Variants in CFAP20DC observed in about 807,000 individuals in gnomAD.
The protein encoded by CFAP20DC is CFAP20 domain containing.
CFAP20DC carries 84 observed loss-of-function variants against 101.7 expected under a neutral mutation model. That is an observed-to-expected ratio of 0.83 (90% confidence interval 0.69 to 0.99). The LOEUF is 0.99. Among genes scored for constraint, CFAP20DC ranks in the 50% least tolerant of loss-of-function variants. CFAP20DC has a pLI of 0.00. For missense variants in CFAP20DC, 1,007 were observed against 970.3 expected (o/e 1.04, Z -0.50); for synonymous variants, 359 against 351.2 (o/e 1.02, Z -0.25).
At chr3:58,848,258 A>T (rs958923798) in intron 13 of CFAP20DC, among the ~76,000 whole-genome samples, 8 of 152,188 alleles carry the variant, frequency 5.3e-5, no homozygotes, top group African/African-American at 1.9e-4. Flanking sequence ...ATAATCATGA[A>T]TATATCTACT....
At chr3:58,753,711 C>G in intron 16 of CFAP20DC, 58 bp downstream of exon 16, 1 of 1,115,066 alleles carries the variant, frequency 9.0e-7, no homozygotes, top group Non-Finnish European at 1.3e-6. Flanking sequence ...GATGGATTCT[C>G]TCTATTTATA....
chr3:58,865,996 C>T (rs2108491891), intron 11 of CFAP20DC, among the ~76,000 whole-genome samples: 1 of 152,178 alleles, frequency 6.6e-6, no homozygotes, highest in East Asian at 1.9e-4. Context: ...TTGCAGCAAA[C>T]AAGATAAATG....
intron 4 of CFAP20DC, chr3:58,953,682 A>G (rs909871601): frequency 5.3e-5 from 8 of 152,218 alleles, no homozygotes; most frequent in African/African-American, 1.7e-4. Context: ...ATATAAATGC[A>G]TATGTGTGAC....
At chr3:58,966,474 G>GTA (rs60270814) in intron 4 of CFAP20DC, among the ~76,000 whole-genome samples, 11,808 of 114,620 alleles carry the variant, frequency 0.1, 1,306 homozygotes, top group African/African-American at 0.27. Context: ...ATACATATGT[G>GTA]TATATATATA....
chr3:58,822,297 A>T lies in CFAP20DC; in HGVS notation c.2175+9389T>A, dbSNP rs1045995971. On this transcript the variant is annotated intron_variant, in intron 14 of 16. Coordinates refer to ENST00000482387, the MANE Select transcript of CFAP20DC (RefSeq NM_001394063.1). Reference sequence around the variant, plus strand: ...GTACCGTAAAACTTAAAGTATAATAAAAAAAAATCATGAAAAAACAAACAA... The same window carrying T: ...GTACCGTAAAACTTAAAGTATAATATAAAAAAATCATGAAAAAACAAACAA... Among the ~76,000 whole-genome samples the T allele has an allele frequency of 1.1e-4, 12 of 113,864 alleles. No homozygotes were observed. The East Asian group carries it at 1.7e-3, about 16-fold the overall frequency. 74.7% of individuals were successfully genotyped at this position (113,864 alleles called of 152,430 possible). A position where few individuals can be genotyped will look rare whatever the true frequency, so the allele number is the denominator to read the frequency against.
At chr3:58,803,975 A>T (rs17059859) in intron 15 of CFAP20DC, among the ~76,000 whole-genome samples, 15,079 of 152,272 alleles carry the variant, frequency 0.099, 1,279 homozygotes, top group East Asian at 0.35. Flanking sequence ...GTTGCATATT[A>T]CCACATCTAG....
rs77879074 is a variant in CFAP20DC at position 58,906,748 on chromosome 3, G to A, written c.550+6960C>T. The stretch of plus-strand genomic sequence containing the variant: ...TCAAGACCAGCCTAGGGAACATAGT[G>A]ATGCCCTGCCTCTACTCAAAATAGA... On this transcript the variant is annotated intron_variant, in intron 6 of 16. Coordinates refer to ENST00000482387, the MANE Select transcript of CFAP20DC (RefSeq NM_001394063.1). Among the ~76,000 whole-genome samples, 62 of 152,186 alleles carry A rather than the reference G, an allele frequency of 4.1e-4. 1 individual carries two copies. The East Asian group carries it at 8.3e-3, about 20-fold the overall frequency.
At chr3:58,761,273 T>G (rs532308200) in intron 15 of CFAP20DC, among the ~76,000 whole-genome samples, 3 of 152,192 alleles carry the variant, frequency 2.0e-5, no homozygotes, top group African/African-American at 7.2e-5. Context: ...GGAGGGTGTA[T>G]GTGTCGAGGA....
At chr3:59,033,128 T>C (rs942274809) in intron 4 of CFAP20DC, among the ~76,000 whole-genome samples, 1 of 151,962 alleles carries the variant, frequency 6.6e-6, no homozygotes, top group Non-Finnish European at 1.5e-5. Context: ...GAAGAAAAAC[T>C]AACAAGCAGA....
In CFAP20DC at chr3:58,995,334, T is replaced by G. The variant is rs2093080496; in HGVS notation, c.278+44223A>C. ...ACCACTGGCACATGTCTTTACATTT[T>G]CAGTTGCAATCCATCAGAAATGATT... On this transcript the variant is annotated intron_variant, in intron 4 of 16. Coordinates refer to ENST00000482387, the MANE Select transcript of CFAP20DC (RefSeq NM_001394063.1). 1.3e-5 allele frequency among the ~76,000 whole-genome samples: 2 copies of G among 151,958 alleles called. 1 individual carries two copies. The highest frequency in any genetic ancestry group is 4.2e-4 in the South Asian group (2 of 4,816).
Position 58,863,777 on chromosome 3 carries a change from G to A in CFAP20DC, c.1374C>T (p.Ser458=). The change falls in exon 12 of 17, where the codon AGC becomes AGT. Residue 458 remains serine (S), a synonymous_variant. Transcript: ENST00000482387. This position sits in a 1 kb window ranked among gnomAD's most constrained non-coding sequence, Gnocchi z 5.9. The part of the protein sequence containing the change: ...CNPSHLWLEA[S]KESEHDQQAE... ...CCTGCTGGTCGTGTTCACTCTCTTT[G>A]CTGGCTTCCAGCCACAGGTGTGATG... 2 of 1,614,188 alleles carry A rather than the reference G, an allele frequency of 1.2e-6. No individual in the cohort carries two copies. The highest frequency in any genetic ancestry group is 1.7e-6 in the Non-Finnish European group (2 of 1,180,046).
At chr3:58,975,799 CT>C (rs538161491) in intron 4 of CFAP20DC, among the ~76,000 whole-genome samples, 57 of 146,962 alleles carry the variant, frequency 3.9e-4, no homozygotes, top group East Asian at 5.9e-4. Context: ...ATCTTTTTTC[CT>C]TTTTTTTTTA....
At chr3:58,821,235 C>G (rs529692510) in intron 14 of CFAP20DC, among the ~76,000 whole-genome samples, 1 of 152,114 alleles carries the variant, frequency 6.6e-6, no homozygotes, top group East Asian at 1.9e-4. Flanking sequence ...TAGGCATGGG[C>G]AAGGACTTCA....
chr3:58,922,612 C>G (rs1459544949), intron 5 of CFAP20DC, among the ~76,000 whole-genome samples: 3 of 152,198 alleles, frequency 2.0e-5, no homozygotes, highest in African/African-American at 7.2e-5. Flanking sequence ...TGTGCACAGG[C>G]TAGCTCCTCT....
chr3:59,003,780 C>T (rs535791366), intron 4 of CFAP20DC, among the ~76,000 whole-genome samples: 1 of 152,256 alleles, frequency 6.6e-6, no homozygotes, highest in Admixed American at 6.5e-5. Flanking sequence ...AACTAACTTG[C>T]GGGAAGAAAG....
At chr3:58,740,642 A>T (rs1040459541), downstream of CFAP20DC, among the ~76,000 whole-genome samples, 5 of 152,148 alleles carry the variant, frequency 3.3e-5, no homozygotes, top group Non-Finnish European at 1.5e-5. The surrounding 1 kb of genome is among the most constrained non-coding windows in gnomAD (Gnocchi z 4.6). Flanking sequence ...ATAGCCTTAC[A>T]GCATTCTGTT....
rs549960020 is a variant in CFAP20DC, at chr3:58,767,663, G to A, written c.2238-13800C>T. ...CCCACCTCAGCCTCCCAAAGTGTTG[G>A]GATTACAGGTGTGGACCACCATGCC... On this transcript the variant is annotated intron_variant, in intron 15 of 16. Coordinates refer to ENST00000482387, the MANE Select transcript of CFAP20DC (RefSeq NM_001394063.1). Among the ~76,000 whole-genome samples the A allele has an allele frequency of 1.9e-4, 29 of 152,240 alleles. No homozygotes were observed. In the South Asian group the frequency reaches 5.6e-3, roughly 29 times the overall value.
chr3:58,968,231 A>G (rs368696498), intron 4 of CFAP20DC, among the ~76,000 whole-genome samples: 14 of 152,284 alleles, frequency 9.2e-5, no homozygotes, highest in African/African-American at 3.4e-4. Context: ...ATACCCAGAA[A>G]TGGGATTGCT....
chr3:58,723,853 G>T (rs564180270), intron 3 of CFAP20DC, among the ~76,000 whole-genome samples: 1 of 152,268 alleles, frequency 6.6e-6, no homozygotes, highest in South Asian at 2.1e-4. Context: ...CTGAGTGAGT[G>T]GCATAGGGTT....
Sources: gnomAD v4.1 joint callset for allele counts (sites outside exome capture counted in the v4.1 genomes callset) on GRCh38, gnomAD v4.1.1 for gene constraint, Gnocchi (gnomAD v3.1) non-coding constraint, MANE v1.5 for transcripts, NCBI Gene and HGNC (gene_info 2026-07-23, HGNC 2026-07-21) for gene names.